Variants in MYO9A observed in about 807,000 individuals in gnomAD.
MYO9A encodes myosin IXA.
MYO9A carries 103 observed loss-of-function variants against 293.3 expected under a neutral mutation model. The ratio of observed to expected loss-of-function variants is 0.35; its 90% CI spans 0.30 to 0.41. The LOEUF is 0.41. Among genes scored for constraint, MYO9A ranks in the 10% least tolerant of loss-of-function variants. MYO9A has a pLI of 1.00. For missense variants in MYO9A, 2,685 were observed against 3,033.0 expected (o/e 0.89, Z 2.69); for synonymous variants, 1,001 against 1,035.7 (o/e 0.97, Z 0.64).
At chr15:71,943,285 A>T (rs1364577465) in intron 15 of MYO9A, among the ~76,000 whole-genome samples, 1 of 151,986 alleles carries the variant, frequency 6.6e-6, no homozygotes, top group Non-Finnish European at 1.5e-5. Context: ...TTATTTAATT[A>T]TACTGATTTC....
chr15:71,870,504 G>A (rs559862050), intron 32 of MYO9A, among the ~76,000 whole-genome samples: 3 of 152,160 alleles, frequency 2.0e-5, no homozygotes, highest in African/African-American at 7.2e-5. Flanking sequence ...AAGAGATTTG[G>A]TACTGATACA....
chr15:71,897,241 A>G (rs2057356803), intron 25 of MYO9A: 1 of 528,992 alleles, frequency 1.9e-6, no homozygotes, highest in Non-Finnish European at 3.3e-6. Context: ...GGAGGAACCC[A>G]GTATTTACTC....
chr15:71,936,895 A>G (rs771357848), intron 16 of MYO9A, among the ~76,000 whole-genome samples: 4 of 151,740 alleles, frequency 2.6e-5, no homozygotes, highest in Non-Finnish European at 2.9e-5. Flanking sequence ...GTGTGCACTT[A>G]TATTTTTCTC....
intron 1 of MYO9A, among the ~76,000 whole-genome samples, chr15:72,110,298 C>T (rs929687554): frequency 7.3e-5 from 11 of 151,514 alleles, no homozygotes; most frequent in African/African-American, 1.5e-4. Context: ...TAGCTGGGCA[C>T]GGTGGCAGGC....
intron 1 of MYO9A, among the ~76,000 whole-genome samples, chr15:72,100,741 A>G (rs1176193751): frequency 6.8e-6 from 1 of 148,020 alleles, no homozygotes; most frequent in Non-Finnish European, 1.5e-5. Context: ...CCCGTCTGAG[A>G]AGTGAGGAGA....
At chr15:71,873,998 C>T (rs2056603051) in intron 32 of MYO9A, among the ~76,000 whole-genome samples, 1 of 152,166 alleles carries the variant, frequency 6.6e-6, no homozygotes, top group Non-Finnish European at 1.5e-5. Context: ...CATTGAGACT[C>T]AGAGCTTAAG....
At chr15:71,876,498 C>CA (rs2056696602) in intron 31 of MYO9A, among the ~76,000 whole-genome samples, 1 of 131,366 alleles carries the variant, frequency 7.6e-6, no homozygotes, top group African/African-American at 3.0e-5. Flanking sequence ...GGCAGTGGTG[C>CA]AATCTTGGCT....
At chr15:72,103,487 G>A (rs1249717534) in intron 1 of MYO9A, among the ~76,000 whole-genome samples, 3 of 140,956 alleles carry the variant, frequency 2.1e-5, no homozygotes, top group South Asian at 2.3e-4. Context: ...CAGAAGCAGC[G>A]CAGAAGCAGA....
intron 2 of MYO9A, chr15:72,040,141 T>A (rs2078181497): frequency 6.6e-6 from 1 of 152,650 alleles, no homozygotes; most frequent in South Asian, 2.1e-4. Context: ...ACTAGGAGCC[T>A]CGGACAACGG....
chr15:72,036,595 A>C (rs1596442947), intron 2 of MYO9A: 1 of 152,178 alleles, frequency 6.6e-6, no homozygotes, highest in Admixed American at 6.5e-5. Context: ...CTGAAGAATC[A>C]GAACAGGGAT....
chr15:71,940,763 T>C (rs887794175), intron 15 of MYO9A, among the ~76,000 whole-genome samples: 2 of 152,118 alleles, frequency 1.3e-5, no homozygotes, highest in Admixed American at 6.5e-5. Flanking sequence ...GAGCCAATCC[T>C]AAAATTAACA....
intron 17 of MYO9A, among the ~76,000 whole-genome samples, chr15:71,934,141 C>A (rs2058559635): frequency 6.6e-6 from 1 of 152,050 alleles, no homozygotes; most frequent in Non-Finnish European, 1.5e-5. Flanking sequence ...ATTAAAAATT[C>A]TATTCCACTC....
intron 14 of MYO9A, among the ~76,000 whole-genome samples, chr15:71,956,258 T>C (rs1032530948): frequency 7.1e-6 from 1 of 141,130 alleles, no homozygotes; most frequent in Non-Finnish European, 1.5e-5. Flanking sequence ...TACAGTGAAC[T>C]GTGATAGCAC....
rs768723781 is a variant in MYO9A, at chr15:71,830,200, T to C, written c.6949A>G (p.Met2317Val). 1 of 1,614,112 alleles carries C rather than the reference T, an allele frequency of 6.2e-7. No homozygotes were observed. The highest frequency in any genetic ancestry group is 1.1e-5 in the South Asian group (1 of 91,076). Reference protein sequence around the residue: ...SEETLTSEAAMETDITEQQQA... With the variant: ...SEETLTSEAAVETDITEQQQA... ...TGCTGTTCTGTGATGTCAGTCTCCA[T>C]GGCTGCCTCACTAGTCAAGGTCTCC... The change falls in exon 40 of 42, where the codon ATG becomes GTG. Residue 2317 changes from methionine (M) to valine (V), a missense_variant. Met to Val is a conservative substitution (Grantham distance 21). Transcript: ENST00000356056.
At chr15:71,925,109 T>C (rs2058257666) in intron 18 of MYO9A, among the ~76,000 whole-genome samples, 2 of 151,458 alleles carry the variant, frequency 1.3e-5, no homozygotes, top group South Asian at 4.2e-4. Flanking sequence ...AATTACAGTA[T>C]TGCTATCTCT....
At chr15:71,925,333 G>A (rs912930119) in intron 18 of MYO9A, among the ~76,000 whole-genome samples, 2 of 50,920 alleles carry the variant, frequency 3.9e-5, no homozygotes, top group Admixed American at 2.1e-4. Flanking sequence ...ACATATATAC[G>A]TATATGTACA....
intron 12 of MYO9A, among the ~76,000 whole-genome samples, chr15:71,976,683 G>GCA (rs1333540012): frequency 6.6e-6 from 1 of 152,178 alleles, no homozygotes; most frequent in Non-Finnish European, 1.5e-5. Flanking sequence ...TTATGTTGGG[G>GCA]CATATAGAGT....
chr15:71,830,149 TCTC>T lies in MYO9A; in HGVS notation c.6997_6999del (p.Glu2333del), dbSNP rs1251112744. On this transcript the variant is annotated inframe_deletion, in exon 40 of 42. Coordinates refer to ENST00000356056, the MANE Select transcript of MYO9A (RefSeq NM_006901.4). ...TTCTCAATCTGCTCAGTCAGTACTC[TCTC>T]CTCCTGCTGCATAGCTGCTTGCTGC... 6.2e-7 allele frequency: 1 copy of T among 1,613,980 alleles called. No individual in the cohort carries two copies. The highest frequency in any genetic ancestry group is 8.5e-7 in the Non-Finnish European group (1 of 1,179,992).
chr15:71,827,382 T>C (rs571318341), intron 41 of MYO9A, among the ~76,000 whole-genome samples: 3 of 143,002 alleles, frequency 2.1e-5, no homozygotes, highest in Non-Finnish European at 3.0e-5. Flanking sequence ...TATATGTATA[T>C]AGTCCCACCT....
Sources: allele counts gnomAD v4.1 joint callset (sites outside exome capture counted in the v4.1 genomes callset), GRCh38; gene constraint gnomAD v4.1.1; transcripts MANE v1.5; gene names NCBI Gene and HGNC (gene_info 2026-07-23, HGNC 2026-07-21).